Variants in R3HDM2 observed in about 807,000 individuals in gnomAD.
R3HDM2 encodes R3H domain containing 2, also known as R3H domain-containing protein 2.
R3HDM2 carries 38 observed loss-of-function variants against 124.5 expected under a neutral mutation model. The ratio of observed to expected loss-of-function variants is 0.31; its 90% CI spans 0.24 to 0.40. R3HDM2 has a LOEUF of 0.40. R3HDM2 is among the 10% of genes least tolerant of loss of function. The pLI is 1.00. For synonymous variants in R3HDM2, 391 were observed against 448.0 expected, an observed-to-expected ratio of 0.87 and a Z score of 1.61; for missense variants, 869 against 1,236.9, an observed-to-expected ratio of 0.70 and a Z score of 4.46.
intron 2 of R3HDM2, among the ~76,000 whole-genome samples, chr12:57,372,609 G>T (rs4760254): frequency 6.6e-6 from 1 of 152,006 alleles, no homozygotes; most frequent in South Asian, 2.1e-4. Context: ...GGTACTATTT[G>T]GAAAGAGCAG....
At chr12:57,308,344 C>T (rs2053190625) in intron 3 of R3HDM2, among the ~76,000 whole-genome samples, 1 of 151,902 alleles carries the variant, frequency 6.6e-6, no homozygotes, top group African/African-American at 2.4e-5. Flanking sequence ...GCATGAGCCA[C>T]TGCGCCCGGC....
rs1378891513 is a variant in R3HDM2, at chr12:57,296,023, C to A, written c.701+388G>T. Among the ~76,000 whole-genome samples the A allele has an allele frequency of 1.3e-5, 2 of 152,162 alleles. No homozygotes were observed. The highest frequency in any genetic ancestry group is 2.4e-5 in the African/African-American group (1 of 41,442). ...TAGCTGGGATTACAGGCGCCTGCCA[C>A]CGCGCCCGGCTAATTTTTGTATTTT... On this transcript the variant is annotated intron_variant, in intron 9 of 23. Coordinates refer to ENST00000402412, the MANE Select transcript of R3HDM2 (RefSeq NM_001394031.1). The surrounding 1 kb of genome is among the most constrained non-coding windows in gnomAD (Gnocchi z 4.5).
intron 1 of R3HDM2, among the ~76,000 whole-genome samples, chr12:57,422,090 TAGCAAAAAAAAAAAAAAAAAAAA>T (rs1260203190): frequency 1.2e-5 from 1 of 82,316 alleles, no homozygotes; most frequent in African/African-American, 4.7e-5. Flanking sequence ...AGACTCCGCC[TAGCAAAAAAAAAAAAAAAAAAAA>T]AAAAATTTTG....
chr12:57,389,210 T>C (rs948646943), intron 2 of R3HDM2, among the ~76,000 whole-genome samples: 1 of 152,196 alleles, frequency 6.6e-6, no homozygotes, highest in African/African-American at 2.4e-5. Context: ...CATTCGTTCA[T>C]GCAGCAAATA....
chr12:57,410,893 GGA>G (rs1475818544), intron 1 of R3HDM2, among the ~76,000 whole-genome samples: 31 of 152,224 alleles, frequency 2.0e-4, no homozygotes, highest in African/African-American at 7.2e-4. Flanking sequence ...AGTATAATTT[GGA>G]GAGACAGTAG....
At chr12:57,408,800 A>G (rs371870226) in intron 1 of R3HDM2, among the ~76,000 whole-genome samples, 1 of 151,690 alleles carries the variant, frequency 6.6e-6, no homozygotes, top group Non-Finnish European at 1.5e-5. Context: ...GATTAATGCT[A>G]TTATTGAGGG....
chr12:57,376,273 A>C (rs1303447183), intron 2 of R3HDM2, among the ~76,000 whole-genome samples: 1 of 152,208 alleles, frequency 6.6e-6, no homozygotes, highest in East Asian at 1.9e-4. Context: ...TTTCCTGCCT[A>C]AGCAGCCCCA....
intron 2 of R3HDM2, among the ~76,000 whole-genome samples, chr12:57,392,149 C>T (rs531636126): frequency 6.6e-6 from 1 of 152,326 alleles, no homozygotes; most frequent in South Asian, 2.1e-4. Flanking sequence ...GATCCTCCTA[C>T]CTCAGGCCTC....
At chr12:57,343,948 T>C (rs2059853130) in intron 2 of R3HDM2, among the ~76,000 whole-genome samples, 1 of 152,142 alleles carries the variant, frequency 6.6e-6, no homozygotes, top group Admixed American at 6.6e-5. Context: ...GTTTTTGACC[T>C]TTATTTATTT....
intron 1 of R3HDM2, among the ~76,000 whole-genome samples, chr12:57,420,876 T>C (rs2139553477): frequency 6.6e-6 from 1 of 152,318 alleles, no homozygotes; most frequent in African/African-American, 2.4e-5. Flanking sequence ...CCAACTTCTC[T>C]GACTCTGGAC....
chr12:57,317,405 G>T (rs1227190446), intron 2 of R3HDM2, among the ~76,000 whole-genome samples: 13 of 151,762 alleles, frequency 8.6e-5, no homozygotes, highest in African/African-American at 3.1e-4. Context: ...AGCTGGTCTT[G>T]AACTCCTGGG....
intron 2 of R3HDM2, among the ~76,000 whole-genome samples, chr12:57,338,146 A>G (rs2059106352): frequency 6.6e-6 from 1 of 152,162 alleles, no homozygotes. Context: ...TCTACTAAAA[A>G]TACAAAATTA....
At chr12:57,403,925 A>G (rs974795068) in intron 1 of R3HDM2, among the ~76,000 whole-genome samples, 5 of 152,054 alleles carry the variant, frequency 3.3e-5, no homozygotes, top group East Asian at 3.8e-4. Context: ...CCAAAAATGT[A>G]TAAGAATTCT....
rs984952500 is a variant in R3HDM2, at chr12:57,430,960, A to G, written c.-346T>C. ...AGAAAAGGGGGGAACCAAACCCGGA[A>G]AGGGAGAAAAGGGGGGAGGGGAAAA... On this transcript the variant is annotated 5_prime_UTR_variant, in exon 1 of 24. Transcript: ENST00000402412. 1 of 135,306 alleles carries G rather than the reference A, an allele frequency of 7.4e-6. No individual in the cohort carries two copies. The highest frequency in any genetic ancestry group is 1.6e-5 in the Non-Finnish European group (1 of 62,722). 8.4% of individuals were successfully genotyped at this position (135,306 alleles called of 1,614,324 possible). A position where few individuals can be genotyped will look rare whatever the true frequency, so the allele number is the denominator to read the frequency against.
At chr12:57,285,443 G>GAC (rs1382292569) in intron 12 of R3HDM2, among the ~76,000 whole-genome samples, 1 of 141,042 alleles carries the variant, frequency 7.1e-6, no homozygotes, top group Non-Finnish European at 1.6e-5. Context: ...GAGAGAGAGA[G>GAC]AGAGTGTGTG....
chr12:57,344,068 T>C lies in R3HDM2; in HGVS notation c.-35-33605A>G, dbSNP rs1042474593. On this transcript the variant is annotated intron_variant, in intron 2 of 23. Coordinates refer to ENST00000402412, the MANE Select transcript of R3HDM2 (RefSeq NM_001394031.1). ...ATACAAACTTACGTATACACATATGTGCATGCATATATGTGCATATAAATT... is the reference window on the plus strand; with the variant it reads ...ATACAAACTTACGTATACACATATGCGCATGCATATATGTGCATATAAATT... 4.6e-5 allele frequency among the ~76,000 whole-genome samples: 7 copies of C among 152,210 alleles called. No homozygotes were observed. The East Asian group carries it at 5.8e-4, about 13-fold the overall frequency.
intron 2 of R3HDM2, among the ~76,000 whole-genome samples, chr12:57,370,511 A>T (rs2063219829): frequency 6.6e-6 from 1 of 151,344 alleles, no homozygotes; most frequent in African/African-American, 2.4e-5. Context: ...ATGGTGGTGC[A>T]TGCCTGTAAT....
chr12:57,365,892 C>A (rs984483304), intron 2 of R3HDM2, among the ~76,000 whole-genome samples: 1 of 148,486 alleles, frequency 6.7e-6, no homozygotes, highest in Admixed American at 6.8e-5. Context: ...GTGGAGACTG[C>A]AACACTGCAC....
chr12:57,366,351 A>G lies in R3HDM2; in HGVS notation c.-36+29398T>C, dbSNP rs1246446712. 2.0e-5 allele frequency among the ~76,000 whole-genome samples: 3 copies of G among 152,050 alleles called. No individual in the cohort carries two copies. The East Asian group carries it at 5.8e-4, about 29-fold the overall frequency. On this transcript the variant is annotated intron_variant, in intron 2 of 23. Transcript: ENST00000402412. ...TTTTTCTATATTACATTTTGCATTA[A>G]GTTTCATTTGCTATGTCTTCAAGTT...
Sources: gnomAD v4.1 joint callset for allele counts (sites outside exome capture counted in the v4.1 genomes callset) on GRCh38, gnomAD v4.1.1 for gene constraint, Gnocchi (gnomAD v3.1) non-coding constraint, MANE v1.5 for transcripts, NCBI Gene and HGNC (gene_info 2026-07-23, HGNC 2026-07-21) for gene names.